The following BCAN variants were observed in gnomAD, a reference collection of about 807,000 sequenced individuals.
BCAN encodes the protein brevican, also known as brevican core protein.
Under a neutral mutation model 92.4 loss-of-function variants are expected in BCAN, and 51 were observed. The ratio of observed to expected loss-of-function variants is 0.55; its 90% CI spans 0.44 to 0.70. The LOEUF is 0.70. BCAN is among the 30% of genes least tolerant of loss of function. The pLI is 0.00. For synonymous variants in BCAN, 501 were observed against 505.2 expected, an observed-to-expected ratio of 0.99 and a Z score of 0.11; for missense variants, 1,140 against 1,212.1, an observed-to-expected ratio of 0.94 and a Z score of 0.88.
rs775546316 is a variant in BCAN at position 156,648,121 on chromosome 1, G to A, written c.769+11G>A. On this transcript the variant is annotated intron_variant, in intron 5 of 13. Transcript: ENST00000329117. ...CTGAAGACCTAAATGGTGATTAGGA[G>A]TGAGAGGTTCCCAGGGGACAATTTC... 1.9e-6 allele frequency: 3 copies of A among 1,609,114 alleles called. No homozygotes were observed. Among genetic ancestry groups the A allele is most frequent in the South Asian group, 2.2e-5 (2 of 91,002 alleles).
intron 7 of BCAN, among the ~76,000 whole-genome samples, 160 bp downstream of exon 7, chr1:156,651,849 C>A (rs1040830970): frequency 4.6e-5 from 7 of 152,160 alleles, no homozygotes; most frequent in Admixed American, 6.5e-5. Context: ...CCTCTCCCAA[C>A]CTTTGCTTTT....
chr1:156,650,351 G>T (rs2102562301), intron 6 of BCAN, among the ~76,000 whole-genome samples: 1 of 152,260 alleles, frequency 6.6e-6, no homozygotes, highest in East Asian at 1.9e-4. Context: ...GCTCACTGGA[G>T]CAGGTGATGA....
Position 156,651,661 on chromosome 1 carries a change from C to T in BCAN, c.1269C>T (p.Asp423=). 1 of 1,613,330 alleles carries T rather than the reference C, an allele frequency of 6.2e-7. No individual in the cohort carries two copies. The highest frequency in any genetic ancestry group is 8.5e-7 in the Non-Finnish European group (1 of 1,179,882). ...DGGGGSSTPE[D]PAEAPRTLLE... ...GAGGTGGAAGCTCCACTCCAGAAGACCCAGCAGAGGCCCCTAGGACGCTCC... is the reference window on the plus strand; with the variant it reads ...GAGGTGGAAGCTCCACTCCAGAAGATCCAGCAGAGGCCCCTAGGACGCTCC... Residue 423 remains aspartate (D), a synonymous_variant, in exon 7 of 14, where the codon GAC becomes GAT. Coordinates refer to ENST00000329117, the MANE Select transcript of BCAN (RefSeq NM_021948.5).
intron 8 of BCAN, chr1:156,653,282 C>T (rs1323779533): frequency 8.8e-6 from 10 of 1,134,794 alleles, no homozygotes; most frequent in South Asian, 3.7e-5. Flanking sequence ...GCCTGTGTGC[C>T]GTCCCCTTTA....
intron 1 of BCAN, chr1:156,643,634 A>AGAGGGAG (rs1678865426): frequency 3.9e-5 from 1 of 25,512 alleles, no homozygotes; most frequent in African/African-American, 6.5e-5. Context: ...ACACACACAC[A>AGAGGGAG]CAGAGAGAGA....
chr1:156,656,315 G>A lies in BCAN; in HGVS notation c.1976G>A (p.Gly659Glu). 1.4e-6 allele frequency: 2 copies of A among 1,448,416 alleles called. No homozygotes were observed. The highest frequency in any genetic ancestry group is 1.7e-5 in the South Asian group (1 of 57,954). 89.7% of individuals were successfully genotyped at this position (1,448,416 alleles called of 1,614,324 possible). Residue 659 changes from glycine (G) to glutamate (E), a missense_variant, in exon 9 of 14, where the codon GGG becomes GAG. Gly to Glu is a moderately conservative substitution (Grantham distance 98). Transcript: ENST00000329117. ...GTCCCCAGCCCCTGCCACAATGGTG[G>A]GACATGCTTGGAGGAGGAGGAAGGG... ...DCVPSPCHNG[G>E]TCLEEEEGVR...
chr1:156,653,215 C>T (rs957894458), intron 8 of BCAN: 2 of 1,304,552 alleles, frequency 1.5e-6, no homozygotes, highest in Non-Finnish European at 1.9e-6. Context: ...TCCAAGGGTC[C>T]TCATCACCTA....
chr1:156,657,229 G>A (rs1483876039), intron 10 of BCAN, 133 bp downstream of exon 10: 7 of 1,153,834 alleles, frequency 6.1e-6, no homozygotes, highest in Middle Eastern at 2.0e-4. Context: ...TCACTCATTC[G>A]TTCACTCCCC....
At position 156,653,951 on chromosome 1, in the gene BCAN, T is replaced by G. The variant is rs146253303; in HGVS notation, c.1942+1059T>G. Among the ~76,000 whole-genome samples the G allele has an allele frequency of 4.7e-4, 72 of 152,238 alleles. 1 individual carries two copies. In the East Asian group the frequency reaches 0.012, roughly 26 times the overall value. ...ATAGAGGCAGTTCCCTGGCATTCAG[T>G]TGCCCTCACCCCCATCCCCTAGCCC... On this transcript the variant is annotated intron_variant, in intron 8 of 13. Transcript: ENST00000329117.
At chr1:156,652,202 T>C (rs759508386) in intron 7 of BCAN, 46 bp from the exon 8 acceptor site, 1 of 1,538,320 alleles carries the variant, frequency 6.5e-7, no homozygotes. Flanking sequence ...TTTCGGTCCT[T>C]GGACAGACGC....
rs754792869 is a variant in BCAN, at chr1:156,658,754, G to A, written c.2628+21G>A. 99 of 1,613,338 alleles carry A rather than the reference G, an allele frequency of 6.1e-5. No homozygotes were observed. Among genetic ancestry groups the A allele is most frequent in the Non-Finnish European group, 8.1e-5 (95 of 1,179,796 alleles). On this transcript the variant is annotated intron_variant, in intron 13 of 13. Transcript: ENST00000329117. This position sits in a 1 kb window ranked among gnomAD's most constrained non-coding sequence, Gnocchi z 4.4. ...GACCTGTGAGTGCCAGGAAGAGGCA[G>A]GTGGGAGTGGGAGACAGTAGCCAAC...
chr1:156,648,078 ATGATGTGTAC>A lies in BCAN; in HGVS notation c.740_749del (p.Asp247ValfsTer6), dbSNP rs1191899908. ...GGTGTGGTGGACCCGGATGACCTCTATGATGTGTACTGTTATGCTGAAGACCTAAATGGTG... is the reference window on the plus strand; with the variant it reads ...GGTGTGGTGGACCCGGATGACCTCTATGTTATGCTGAAGACCTAAATGGTG... On this transcript the variant is annotated frameshift_variant, in exon 5 of 14. Coordinates refer to ENST00000329117, the MANE Select transcript of BCAN (RefSeq NM_021948.5). LOFTEE classifies it high-confidence loss of function. 6.2e-7 allele frequency: 1 copy of A among 1,613,972 alleles called. No individual in the cohort carries two copies.
At position 156,651,670 on chromosome 1, in the gene BCAN, G is replaced by A; in HGVS notation, c.1278G>A (p.Glu426=). 6.2e-7 allele frequency: 1 copy of A among 1,612,822 alleles called. No individual in the cohort carries two copies. The highest frequency in any genetic ancestry group is 8.5e-7 in the Non-Finnish European group (1 of 1,179,736). Reference sequence around the variant, plus strand: ...GCTCCACTCCAGAAGACCCAGCAGAGGCCCCTAGGACGCTCCTAGGTAAGT... The same window carrying A: ...GCTCCACTCCAGAAGACCCAGCAGAAGCCCCTAGGACGCTCCTAGGTAAGT... ...GGSSTPEDPA[E]APRTLLEFET... is the part of the protein sequence containing the mutation. Residue 426 remains glutamate (E), a synonymous_variant, in exon 7 of 14, where the codon GAG becomes GAA. Transcript: ENST00000329117.
intron 1 of BCAN, chr1:156,645,037 C>T (rs1366646701): frequency 2.0e-5 from 3 of 152,274 alleles, no homozygotes; most frequent in Non-Finnish European, 4.4e-5. Flanking sequence ...CTCTGAGCCT[C>T]AGTCTCCATT....
At chr1:156,657,557 G>T in intron 10 of BCAN, 118 bp from the exon 11 acceptor site, 1 of 754,006 alleles carries the variant, frequency 1.3e-6, no homozygotes, top group Non-Finnish European at 2.2e-6. Flanking sequence ...AACCCGACAA[G>T]GGCGGGTGCT....
At position 156,656,968 on chromosome 1, in the gene BCAN, C is replaced by G; in HGVS notation, c.2081C>G (p.Ala694Gly). 1.2e-6 allele frequency: 2 copies of G among 1,614,074 alleles called. No individual in the cohort carries two copies. The highest frequency in any genetic ancestry group is 1.7e-6 in the Non-Finnish European group (2 of 1,179,928). Residue 694 changes from alanine to glycine, a missense_variant, in exon 10 of 14, where the codon GCC becomes GGC. Ala to Gly is a moderately conservative substitution (Grantham distance 60). This residue lies in a region of BCAN where 825 missense variants were observed against 871.8 expected (regional missense o/e 0.95). Coordinates refer to ENST00000329117, the MANE Select transcript of BCAN (RefSeq NM_021948.5). The part of the protein sequence containing the change: ...GLRFCNPGWD[A>G]FQGACYKHFS... ...CGCTTCTGCAACCCCGGCTGGGACG[C>G]CTTCCAGGGCGCCTGCTACAAGCAC... is the stretch of plus-strand genomic sequence containing the variant.
chr1:156,650,801 G>A (rs1051166649), intron 6 of BCAN, among the ~76,000 whole-genome samples: 1 of 152,198 alleles, frequency 6.6e-6, no homozygotes. Context: ...AAATTAGCCA[G>A]TTACGGTGGC....
chr1:156,656,298 C>T lies in BCAN; in HGVS notation c.1959C>T (p.Ser653=). The part of the protein sequence containing the change: ...VVPASGDCVP[S]PCHNGGTCLE... ...CCCTCTCAGGTGACTGTGTCCCCAG[C>T]CCCTGCCACAATGGTGGGACATGCT... The change falls in exon 9 of 14, where the codon AGC becomes AGT. Residue 653 remains serine, a synonymous_variant. Coordinates refer to ENST00000329117, the MANE Select transcript of BCAN (RefSeq NM_021948.5). The T allele has an allele frequency of 6.9e-7, 1 of 1,457,302 alleles. No individual in the cohort carries two copies. The highest frequency in any genetic ancestry group is 1.7e-5 in the South Asian group (1 of 59,430). The allele number at this position is 1,457,302 out of a possible 1,614,324, so 90.3% of individuals were successfully genotyped here.
At position 156,647,689 on chromosome 1, in the gene BCAN, AG is replaced by A. The variant is rs779958172; in HGVS notation, c.641+11del. ...TGTCGGATCAGACCGTGAGGTGGGCAGGGGCTGTGGATTGGGGCTTCTATTG... is the reference window on the plus strand; with the variant it reads ...TGTCGGATCAGACCGTGAGGTGGGCAGGGCTGTGGATTGGGGCTTCTATTG... On this transcript the variant is annotated splice_region_variant and intron_variant, in intron 4 of 13. Transcript: ENST00000329117. The surrounding 1 kb of genome is among the most constrained non-coding windows in gnomAD (Gnocchi z 4.8). The A allele has an allele frequency of 1.3e-6, 2 of 1,578,968 alleles. No homozygotes were observed. Among genetic ancestry groups the A allele is most frequent in the East Asian group, 4.5e-5 (2 of 44,428 alleles).
Sources: allele counts gnomAD v4.1 joint callset (sites outside exome capture counted in the v4.1 genomes callset), GRCh38; gene constraint gnomAD v4.1.1; regional missense constraint gnomAD v4.1.1; non-coding constraint Gnocchi (gnomAD v3.1); transcripts MANE v1.5; gene names NCBI Gene and HGNC (gene_info 2026-07-23, HGNC 2026-07-21).